PLS3: variants seen among roughly 807,000 people sequenced by gnomAD.
The protein encoded by PLS3 is plastin-3.
A neutral mutation model predicts 46.5 loss-of-function variants in PLS3; 11 were observed. The ratio of observed to expected loss-of-function variants is 0.24; its 90% CI spans 0.15 to 0.39. The LOEUF (loss-of-function observed/expected upper bound fraction) is 0.39. Ranked by LOEUF, PLS3 falls within the 10% of genes least tolerant of loss-of-function variation. PLS3 has a pLI of 1.00. For synonymous variants in PLS3, 167 were observed against 162.2 expected (o/e 1.03, Z -0.22); for missense variants, 308 against 461.8 (o/e 0.67, Z 3.05).
chrX:115,566,548 C>T (rs2074174345), intron 1 of PLS3, among the ~76,000 whole-genome samples: 1 of 110,800 alleles, frequency 9.0e-6, no homozygotes, highest in Non-Finnish European at 1.9e-5. Flanking sequence ...GCCACTGTGC[C>T]CAGCTAGTTT....
chrX:115,625,784 C>T (rs1406067012), intron 3 of PLS3, among the ~76,000 whole-genome samples: 1 of 111,458 alleles, frequency 9.0e-6, no homozygotes, highest in Non-Finnish European at 1.9e-5. Context: ...TCATATGCCT[C>T]TGGATTGTTT....
intron 7 of PLS3, 84 bp downstream of exon 7, chrX:115,635,130 G>A: frequency 5.0e-6 from 4 of 806,785 alleles, no homozygotes; most frequent in Non-Finnish European, 5.4e-6. Context: ...ACTTAATGGA[G>A]GTGATTAAAT....
Position 115,636,976 on chromosome X carries a change from A to G in PLS3, c.889A>G (p.Lys297Glu), listed in dbSNP as rs1569528896. The part of the protein sequence containing the change: ...QKINNFSADI[K>E]DSKAYFHLLN... ...AATTAACAACTTTAGTGCTGACATCAAGGTAACTGTTGAAAGAATCACAAC... is the reference window on the plus strand; with the variant it reads ...AATTAACAACTTTAGTGCTGACATCGAGGTAACTGTTGAAAGAATCACAAC... Residue 297 changes from lysine to glutamate, a missense_variant and splice_region_variant, in exon 8 of 16, where the codon AAG (lysine) becomes GAG (glutamate). This residue lies in a region of PLS3 where 271 missense variants were observed against 435.7 expected (regional missense o/e 0.62). Coordinates refer to ENST00000355899, the MANE Select transcript of PLS3 (RefSeq NM_005032.7). 3.3e-6 allele frequency: 4 copies of G among 1,205,031 alleles called. No homozygotes were observed. Among genetic ancestry groups the G allele is most frequent in the Non-Finnish European group, 4.5e-6 (4 of 892,240 alleles).
chrX:115,613,940 T>G (rs2074570854), intron 2 of PLS3, among the ~76,000 whole-genome samples: 1 of 108,431 alleles, frequency 9.2e-6, no homozygotes, highest in African/African-American at 3.2e-5. Flanking sequence ...TTGAATTTTT[T>G]TATTTTTTTA....
At chrX:115,627,349 A>G (rs781955166) in intron 3 of PLS3, among the ~76,000 whole-genome samples, 1 of 112,266 alleles carries the variant, frequency 8.9e-6, no homozygotes, top group Non-Finnish European at 1.9e-5. Context: ...AACTTTACAT[A>G]TCTCATTCTG....
At chrX:115,579,994 C>T (rs1384143017) in intron 1 of PLS3, among the ~76,000 whole-genome samples, 4 of 112,106 alleles carry the variant, frequency 3.6e-5, no homozygotes, top group African/African-American at 1.3e-4. Flanking sequence ...GCTGGGATTA[C>T]AGACATGAGC....
intron 3 of PLS3, among the ~76,000 whole-genome samples, chrX:115,628,447 A>T (rs1284551859): frequency 8.9e-6 from 1 of 112,265 alleles, no homozygotes; most frequent in Non-Finnish European, 1.9e-5. Flanking sequence ...AGCCACGCAC[A>T]TTGGTGGATC....
At chrX:115,578,348 T>G (rs2074260116) in intron 1 of PLS3, among the ~76,000 whole-genome samples, 1 of 111,964 alleles carries the variant, frequency 8.9e-6, no homozygotes. Context: ...AAAATAACTT[T>G]CACCCAGATC....
At chrX:115,603,137 A>G (rs1471218494) in intron 1 of PLS3, among the ~76,000 whole-genome samples, 1 of 111,500 alleles carries the variant, frequency 9.0e-6, no homozygotes, top group Non-Finnish European at 1.9e-5. Context: ...GGGTTTATGT[A>G]TAGTTAAATG....
chrX:115,637,718 T>A (rs959721837), intron 8 of PLS3, among the ~76,000 whole-genome samples: 1 of 111,662 alleles, frequency 9.0e-6, no homozygotes, highest in Non-Finnish European at 1.9e-5. Flanking sequence ...CATCCAGATG[T>A]TGGTACACAG....
At chrX:115,578,551 T>A (rs960753479) in intron 1 of PLS3, among the ~76,000 whole-genome samples, 1 of 108,679 alleles carries the variant, frequency 9.2e-6, no homozygotes, top group African/African-American at 3.4e-5. Flanking sequence ...CGGTGAAACC[T>A]CGTCCCTACT....
chrX:115,593,912 T>C (rs2147447059), intron 1 of PLS3, among the ~76,000 whole-genome samples: 1 of 110,971 alleles, frequency 9.0e-6, no homozygotes, highest in East Asian at 2.8e-4. Context: ...TTTTTAAAAA[T>C]GGGTTTTGAA....
At chrX:115,567,709 C>CTTTTTTTTTTTTTTTTTT (rs782653479) in intron 1 of PLS3, among the ~76,000 whole-genome samples, 1 of 81,950 alleles carries the variant, frequency 1.2e-5, no homozygotes, top group Non-Finnish European at 2.3e-5. Flanking sequence ...TTTTCTTCTT[C>CTTTTTTTTTTTTTTTTTT]TTTTTTTTTT....
intron 3 of PLS3, 141 bp from the exon 4 acceptor site, chrX:115,629,057 A>C: frequency 2.2e-6 from 1 of 449,693 alleles, no homozygotes; most frequent in Non-Finnish European, 3.8e-6. Context: ...AGCATTTCAA[A>C]AACTCAAGCC....
At chrX:115,594,690 A>ACC (rs1377029742) in intron 1 of PLS3, among the ~76,000 whole-genome samples, 4 of 99,526 alleles carry the variant, frequency 4.0e-5, no homozygotes, top group African/African-American at 1.5e-4. Context: ...ACACACACAC[A>ACC]CCCCACACAC....
At position 115,562,155 on chromosome X, in the gene PLS3, A is replaced by G. The variant is rs782630371; in HGVS notation, c.-9+895A>G. On this transcript the variant is annotated intron_variant, in intron 1 of 15. Transcript: ENST00000355899. ...CTACCCCCCCGCCCTTTCCCCGCAC[A>G]GCTGCACTTGCCTGTGTTTACTTTT... Among the ~76,000 whole-genome samples, 3 of 110,377 alleles carry G rather than the reference A, an allele frequency of 2.7e-5. No individual in the cohort carries two copies. In the South Asian group the frequency reaches 1.2e-3, roughly 43 times the overall value.
chrX:115,566,812 G>T (rs1360994485), intron 1 of PLS3, among the ~76,000 whole-genome samples: 1 of 111,168 alleles, frequency 9.0e-6, no homozygotes, highest in Non-Finnish European at 1.9e-5. Flanking sequence ...CTGAGTAGCT[G>T]GGATTACAGG....
At chrX:115,566,432 T>C (rs2074172683) in intron 1 of PLS3, among the ~76,000 whole-genome samples, 1 of 27,047 alleles carries the variant, frequency 3.7e-5, no homozygotes. Flanking sequence ...TCGCCCAGGC[T>C]GGAGTGGTGC....
intron 1 of PLS3, among the ~76,000 whole-genome samples, chrX:115,569,292 C>T (rs950412498): frequency 5.4e-5 from 6 of 110,531 alleles, no homozygotes; most frequent in Non-Finnish European, 9.4e-5. Flanking sequence ...TTTTAAGAAG[C>T]CTTTATGTTT....
Sources: allele counts gnomAD v4.1 joint callset (sites outside exome capture counted in the v4.1 genomes callset), GRCh38; gene constraint gnomAD v4.1.1; regional missense constraint gnomAD v4.1.1; transcripts MANE v1.5; gene names NCBI Gene and HGNC (gene_info 2026-07-23, HGNC 2026-07-21).